The following TEX2 variants were observed in gnomAD, a reference collection of about 807,000 sequenced individuals.
TEX2 encodes the protein testis-expressed protein 2.
A neutral mutation model predicts 106.9 loss-of-function variants in TEX2; 53 were observed. That is an observed-to-expected ratio of 0.50 (90% CI 0.40 to 0.62). The LOEUF is 0.62. Ranked by LOEUF, TEX2 falls within the 20% of genes least tolerant of loss-of-function variation. The pLI is 0.00. For synonymous variants in TEX2, 523 were observed against 534.8 expected, an observed-to-expected ratio of 0.98 and a Z score of 0.30; for missense variants, 1,207 against 1,379.0, an observed-to-expected ratio of 0.88 and a Z score of 1.98.
chr17:64,149,278 T>C, intron 11 of TEX2, 187 bp from the exon 12 acceptor site: 1 of 595,864 alleles, frequency 1.7e-6, no homozygotes, highest in Non-Finnish European at 2.8e-6. Context: ...TACCAGCGCA[T>C]GGATACGAGA....
chr17:64,155,781 G>A (rs2030594321), intron 8 of TEX2: 2 of 152,338 alleles, frequency 1.3e-5, no homozygotes, highest in African/African-American at 4.8e-5. Flanking sequence ...TACCCGCAGA[G>A]GTGAGGGGTC....
At chr17:64,160,412 GAT>G (rs1335426148) in intron 8 of TEX2, among the ~76,000 whole-genome samples, 1 of 152,186 alleles carries the variant, frequency 6.6e-6, no homozygotes, top group Admixed American at 6.5e-5. Flanking sequence ...CTGACTTTGT[GAT>G]TAAAGCAGGT....
In TEX2 at chr17:64,185,752, G is replaced by A. The variant is rs1299037225; in HGVS notation, c.2424+2416C>T. Among the ~76,000 whole-genome samples, 5 of 152,066 alleles carry A rather than the reference G, an allele frequency of 3.3e-5. No individual in the cohort carries two copies. The highest frequency in any genetic ancestry group is 9.7e-5 in the African/African-American group (4 of 41,374). On this transcript the variant is annotated intron_variant, in intron 5 of 11. Coordinates refer to ENST00000584379, the MANE Select transcript of TEX2 (RefSeq NM_001288732.2). This position sits in a 1 kb window ranked among gnomAD's most constrained non-coding sequence, Gnocchi z 4.0. ...AGCCTGGCCAACATTGTGAAACTCC[G>A]TCTCTACTAAAAATACAAAATTAGC...
intron 1 of TEX2, among the ~76,000 whole-genome samples, chr17:64,234,391 T>C (rs980472040): frequency 2.0e-5 from 3 of 152,240 alleles, no homozygotes; most frequent in Admixed American, 2.0e-4. Context: ...TTGAGTTTGT[T>C]GTTGGGTTTT....
Position 64,148,837 on chromosome 17 carries a change from G to T in TEX2, c.*132C>A. 1 of 1,128,656 alleles carries T rather than the reference G, an allele frequency of 8.9e-7. No homozygotes were observed. The highest frequency in any genetic ancestry group is 1.3e-6 in the Non-Finnish European group (1 of 797,864). 69.9% of individuals were successfully genotyped at this position (1,128,656 alleles called of 1,614,324 possible). ...CTCACAGTGGAATGGGCACTGGCAG[G>T]CAGAGGGCAGAAGCAGTCCTTTAAG... On this transcript the variant is annotated 3_prime_UTR_variant, in exon 12 of 12. Transcript: ENST00000584379.
intron 5 of TEX2, among the ~76,000 whole-genome samples, chr17:64,186,270 T>C (rs1350814640): frequency 1.4e-5 from 2 of 140,114 alleles, no homozygotes; most frequent in Non-Finnish European, 3.1e-5. Context: ...TCACCAGTGG[T>C]AAACAGGACC....
chr17:64,163,152 T>A (rs1294058548), intron 7 of TEX2, among the ~76,000 whole-genome samples: 1 of 152,016 alleles, frequency 6.6e-6, no homozygotes, highest in East Asian at 1.9e-4. Context: ...TGAGATGGGG[T>A]CTCACTCTCA....
intron 1 of TEX2, among the ~76,000 whole-genome samples, chr17:64,227,687 T>A (rs1486990981): frequency 2.0e-5 from 3 of 152,180 alleles, no homozygotes; most frequent in African/African-American, 7.2e-5. Flanking sequence ...ACTGAAGTAA[T>A]CTATCATTAG....
chr17:64,177,572 A>G, intron 5 of TEX2, 101 bp from the exon 6 acceptor site: 1 of 1,255,994 alleles, frequency 8.0e-7, no homozygotes, highest in South Asian at 1.4e-5. Context: ...TTATAGAAAC[A>G]GGAGACCACA....
At chr17:64,169,793 C>A (rs12944418) in intron 7 of TEX2, among the ~76,000 whole-genome samples, 131 of 152,322 alleles carry the variant, frequency 8.6e-4, no homozygotes, top group Non-Finnish European at 1.4e-3. Flanking sequence ...AAAACATTTA[C>A]TTTAAAACAA....
intron 1 of TEX2, among the ~76,000 whole-genome samples, chr17:64,244,603 C>A (rs1310972523): frequency 6.6e-6 from 1 of 152,168 alleles, no homozygotes; most frequent in Non-Finnish European, 1.5e-5. Context: ...AAGCTTTTTT[C>A]TTCAACTAGG....
At chr17:64,187,144 G>C (rs954662288) in intron 5 of TEX2, among the ~76,000 whole-genome samples, 2 of 152,164 alleles carry the variant, frequency 1.3e-5, no homozygotes, top group African/African-American at 4.8e-5. Flanking sequence ...CTATTAAAGT[G>C]CCTAACAGAG....
intron 1 of TEX2, among the ~76,000 whole-genome samples, chr17:64,261,145 C>A (rs2143542946): frequency 6.6e-6 from 1 of 152,186 alleles, no homozygotes; most frequent in South Asian, 2.1e-4. Context: ...AGAAAACCTT[C>A]CAGAAAACAG....
intron 6 of TEX2, 41 bp downstream of exon 6, chr17:64,177,283 GA>G (rs770752165): frequency 1.2e-6 from 2 of 1,602,752 alleles, no homozygotes; most frequent in Non-Finnish European, 1.7e-6. Flanking sequence ...CAGAAATGAA[GA>G]AGTATAGAGG....
chr17:64,202,798 T>G (rs2032712725), intron 2 of TEX2, among the ~76,000 whole-genome samples: 1 of 152,234 alleles, frequency 6.6e-6, no homozygotes, highest in Admixed American at 6.5e-5. Flanking sequence ...CAACCCACAC[T>G]AAAGTGACTC....
chr17:64,234,417 G>GT (rs1329871011), intron 1 of TEX2, among the ~76,000 whole-genome samples: 1 of 152,186 alleles, frequency 6.6e-6, no homozygotes, highest in African/African-American at 2.4e-5. Flanking sequence ...TCCAGCTTAT[G>GT]TGAGTCCTCA....
chr17:64,159,880 C>T (rs1042399228), intron 8 of TEX2, among the ~76,000 whole-genome samples: 1 of 152,144 alleles, frequency 6.6e-6, no homozygotes. Context: ...AAAGAATATT[C>T]TCCAATGCAT....
At chr17:64,259,084 G>A (rs1555638176) in intron 1 of TEX2, among the ~76,000 whole-genome samples, 1 of 152,202 alleles carries the variant, frequency 6.6e-6, no homozygotes, top group Admixed American at 6.5e-5. Flanking sequence ...AATTAGTGAA[G>A]TGACGCGCAG....
At chr17:64,241,640 TA>T (rs1292659414) in intron 1 of TEX2, among the ~76,000 whole-genome samples, 1 of 152,040 alleles carries the variant, frequency 6.6e-6, no homozygotes, top group African/African-American at 2.4e-5. Context: ...AAATTATTAT[TA>T]TTTTTTTTTA....
Sources: gnomAD v4.1 joint callset for allele counts (sites outside exome capture counted in the v4.1 genomes callset) on GRCh38, gnomAD v4.1.1 for gene constraint, Gnocchi (gnomAD v3.1) non-coding constraint, MANE v1.5 for transcripts, NCBI Gene and HGNC (gene_info 2026-07-23, HGNC 2026-07-21) for gene names.